Variants in UNC13C observed in about 807,000 individuals in gnomAD.
The protein encoded by UNC13C is unc-13 homolog C.
Under a neutral mutation model 245.4 loss-of-function variants are expected in UNC13C, and 174 were observed. That is an observed-to-expected ratio of 0.71 (90% CI 0.63 to 0.80). The LOEUF is 0.80. UNC13C is among the 30% of genes least tolerant of loss of function. UNC13C has a pLI of 0.00. For missense variants in UNC13C, 2,829 were observed against 2,602.9 expected (o/e 1.09, Z -1.89); for synonymous variants, 992 against 895.1 (o/e 1.11, Z -1.93).
In UNC13C at chr15:54,165,653, C is replaced by T. The variant is rs140204394; in HGVS notation, c.3071+21969C>T. 1.2e-3 allele frequency among the ~76,000 whole-genome samples: 186 copies of T among 152,200 alleles called. 1 individual carries two copies. In the East Asian group the frequency reaches 0.027, roughly 22 times the overall value. Reference sequence around the variant, plus strand: ...ATAATTTATTTAATCAGCATTTTGACATCAGGTTTTAGGTTACTTCATTTT... The same window carrying T: ...ATAATTTATTTAATCAGCATTTTGATATCAGGTTTTAGGTTACTTCATTTT... On this transcript the variant is annotated intron_variant, in intron 4 of 32. Coordinates refer to ENST00000260323, the MANE Select transcript of UNC13C (RefSeq NM_001080534.3).
At chr15:54,280,292 ATG>A (rs1463161891) in intron 10 of UNC13C, among the ~76,000 whole-genome samples, 2 of 152,062 alleles carry the variant, frequency 1.3e-5, no homozygotes, top group African/African-American at 4.8e-5. Context: ...ATTAAAAAGA[ATG>A]ATGTGTCAGG....
At position 54,036,152 on chromosome 15, in the gene UNC13C, G is replaced by T. The variant is rs139107309; in HGVS notation, c.2983+20266G>T. On this transcript the variant is annotated intron_variant, in intron 2 of 32. Transcript: ENST00000260323. ...TTCTCAATGAACCTTAGAATTCCAG[G>T]ATGTGAGAAATTAACCGCAAGTTGT... 3.0e-3 allele frequency among the ~76,000 whole-genome samples: 464 copies of T among 152,266 alleles called. 3 individuals are homozygous for T. The highest frequency in any genetic ancestry group is 0.027 in the Admixed American group (407 of 15,294).
intron 24 of UNC13C, among the ~76,000 whole-genome samples, chr15:54,512,865 A>C (rs1894812506): frequency 6.6e-6 from 1 of 152,126 alleles, no homozygotes; most frequent in Non-Finnish European, 1.5e-5. Context: ...AACCCCAAGG[A>C]GATGTTTTTA....
intron 13 of UNC13C, among the ~76,000 whole-genome samples, chr15:54,305,091 A>G (rs897075434): frequency 1.3e-5 from 2 of 152,120 alleles, no homozygotes; most frequent in Admixed American, 6.6e-5. Flanking sequence ...CATATCTTTC[A>G]TTACTGCTTC....
intron 1 of UNC13C, among the ~76,000 whole-genome samples, chr15:53,988,187 A>G (rs373493058): frequency 1.3e-5 from 2 of 152,032 alleles, no homozygotes; most frequent in South Asian, 4.1e-4. Context: ...GAATGCTTAC[A>G]TATTTTAGGT....
At chr15:53,924,714 C>T in the UNC13C span, among the ~76,000 whole-genome samples, 3 of 152,166 alleles carry the variant, frequency 2.0e-5, no homozygotes, top group African/African-American at 7.2e-5. Context: ...CAAGAGGTAT[C>T]CTTTCCTAAT....
At chr15:54,038,782 A>C in intron 2 of UNC13C, among the ~76,000 whole-genome samples, 1 of 152,246 alleles carries the variant, frequency 6.6e-6, no homozygotes, top group African/African-American at 2.4e-5. Context: ...TAGAATCCAA[A>C]GACTCCTATG....
At chr15:54,119,824 C>T (rs1305830853) in intron 2 of UNC13C, among the ~76,000 whole-genome samples, 1 of 152,118 alleles carries the variant, frequency 6.6e-6, no homozygotes, top group Non-Finnish European at 1.5e-5. Context: ...TTTTAGTGAT[C>T]TGGATAGATC....
intron 4 of UNC13C, among the ~76,000 whole-genome samples, chr15:54,205,259 TCTC>T (rs2034670679): frequency 6.6e-6 from 1 of 151,962 alleles, no homozygotes; most frequent in African/African-American, 2.4e-5. Context: ...TCTGTTTAAT[TCTC>T]CTGGTGAGTC....
intron 19 of UNC13C, among the ~76,000 whole-genome samples, chr15:54,445,770 T>C (rs1018370457): frequency 1.4e-4 from 22 of 152,244 alleles, no homozygotes; most frequent in Admixed American, 6.5e-5. Context: ...GTAGTTTCTT[T>C]TGCTATGCAG....
intron 29 of UNC13C, among the ~76,000 whole-genome samples, chr15:54,556,875 C>T (rs1344650622): frequency 1.3e-5 from 2 of 151,910 alleles, no homozygotes; most frequent in African/African-American, 4.8e-5. Context: ...AAAATGTGTC[C>T]TGTGGAAATA....
At chr15:54,117,034 GT>G (rs1473967818) in intron 2 of UNC13C, among the ~76,000 whole-genome samples, 1 of 151,946 alleles carries the variant, frequency 6.6e-6, no homozygotes, top group Non-Finnish European at 1.5e-5. Flanking sequence ...GAGATGTTGA[GT>G]TTTTTTCATA....
At chr15:54,609,150 T>C (rs1899940061) in intron 30 of UNC13C, among the ~76,000 whole-genome samples, 1 of 152,230 alleles carries the variant, frequency 6.6e-6, no homozygotes, top group African/African-American at 2.4e-5. Context: ...GCTGATTTCT[T>C]TTCATTTCAT....
At chr15:54,516,219 C>A (rs1271558724) in intron 24 of UNC13C, among the ~76,000 whole-genome samples, 1 of 152,140 alleles carries the variant, frequency 6.6e-6, no homozygotes, top group African/African-American at 2.4e-5. Context: ...TCATTTTTCA[C>A]TTGCCACTAG....
the UNC13C span, among the ~76,000 whole-genome samples, chr15:53,839,953 A>C: frequency 3.3e-5 from 5 of 152,160 alleles, no homozygotes; most frequent in Admixed American, 2.6e-4. Flanking sequence ...CAAGTATTTT[A>C]TTCTATCCTG....
the UNC13C span, among the ~76,000 whole-genome samples, chr15:53,884,440 A>T: frequency 6.6e-6 from 1 of 151,970 alleles, no homozygotes; most frequent in South Asian, 2.1e-4. Flanking sequence ...CAATACTCCC[A>T]CCTCAGCCTC....
At chr15:54,525,670 G>T (rs1250063306) in intron 25 of UNC13C, 33 bp downstream of exon 25, 2 of 1,543,440 alleles carry the variant, frequency 1.3e-6, no homozygotes, top group Non-Finnish European at 1.8e-6. Flanking sequence ...ATCTAAATTA[G>T]ATAATTAGGT....
intron 10 of UNC13C, among the ~76,000 whole-genome samples, chr15:54,275,900 T>A (rs2036820701): frequency 6.6e-6 from 1 of 152,126 alleles, no homozygotes; most frequent in Admixed American, 6.5e-5. Context: ...GGTGAATAGA[T>A]ATAAGTCGTG....
chr15:54,222,826 C>T (rs2035267249), intron 4 of UNC13C, among the ~76,000 whole-genome samples: 1 of 152,058 alleles, frequency 6.6e-6, no homozygotes, highest in African/African-American at 2.4e-5. Context: ...TTTTGATTTG[C>T]ATTTCTCTGA....
Sources: allele counts gnomAD v4.1 joint callset (sites outside exome capture counted in the v4.1 genomes callset), GRCh38; gene constraint gnomAD v4.1.1; transcripts MANE v1.5; gene names NCBI Gene and HGNC (gene_info 2026-07-23, HGNC 2026-07-21).